TBC1D22A: variants seen among roughly 807,000 people sequenced by gnomAD.
TBC1D22A encodes putative GTPase activator.
A neutral mutation model predicts 60.2 loss-of-function variants in TBC1D22A; 38 were observed. The observed-to-expected ratio is 0.63, with a 90% CI of 0.49 to 0.83. The LOEUF (loss-of-function observed/expected upper bound fraction) is 0.83. TBC1D22A is among the 40% of genes least tolerant of loss of function. TBC1D22A has a pLI of 0.00. For missense variants in TBC1D22A, 628 were observed against 701.0 expected (o/e 0.90, Z 1.18); for synonymous variants, 302 against 281.7 (o/e 1.07, Z -0.72).
At chr22:47,050,022 T>G (rs2063157957) in intron 11 of TBC1D22A, among the ~76,000 whole-genome samples, 1 of 150,726 alleles carries the variant, frequency 6.6e-6, no homozygotes, top group South Asian at 2.1e-4. Flanking sequence ...TTTCCTTTTT[T>G]CAGAGAAGTC....
At chr22:46,906,419 C>T (rs1438291718) in intron 7 of TBC1D22A, among the ~76,000 whole-genome samples, 2 of 152,114 alleles carry the variant, frequency 1.3e-5, no homozygotes, top group African/African-American at 4.8e-5. Context: ...AGGTTAGCTG[C>T]CTGGGCGCCG....
chr22:46,904,148 TACCTACCTAC>T (rs1569199869), intron 7 of TBC1D22A, among the ~76,000 whole-genome samples: 181 of 122,486 alleles, frequency 1.5e-3, no homozygotes, highest in Admixed American at 6.4e-3. Flanking sequence ...TCTATCTACC[TACCTACCTAC>T]CTACCTACCT....
At chr22:47,072,624 G>T (rs2147517228) in intron 11 of TBC1D22A, among the ~76,000 whole-genome samples, 1 of 152,350 alleles carries the variant, frequency 6.6e-6, no homozygotes, top group East Asian at 1.9e-4. Flanking sequence ...GCCTGACCTG[G>T]CTCTACATCC....
At chr22:47,136,577 C>A (rs2066879863) in intron 12 of TBC1D22A, among the ~76,000 whole-genome samples, 1 of 73,220 alleles carries the variant, frequency 1.4e-5, no homozygotes, top group Non-Finnish European at 3.2e-5. Context: ...GGAGGTGAGG[C>A]TGTGGACCCA....
chr22:47,114,250 G>T lies in TBC1D22A; in HGVS notation c.1425+2647G>T, dbSNP rs999804221. Among the ~76,000 whole-genome samples the T allele has an allele frequency of 2.0e-5, 3 of 151,966 alleles. No homozygotes were observed. The South Asian group carries it at 6.2e-4, about 32-fold the overall frequency. On this transcript the variant is annotated intron_variant, in intron 12 of 12. Transcript: ENST00000337137. Reference sequence around the variant, plus strand: ...CAAAGCCACACGGCCAGGGTGTGGGGTGTGGGGTGTGGGGTGTGGGGTGCA... The same window carrying T: ...CAAAGCCACACGGCCAGGGTGTGGGTTGTGGGGTGTGGGGTGTGGGGTGCA...
At chr22:46,981,992 G>A (rs961067992) in intron 9 of TBC1D22A, among the ~76,000 whole-genome samples, 1 of 152,212 alleles carries the variant, frequency 6.6e-6, no homozygotes, top group African/African-American at 2.4e-5. Flanking sequence ...CAAGGTCTGG[G>A]TGGGGGATTA....
chr22:46,900,179 C>T (rs1001828623), intron 7 of TBC1D22A, among the ~76,000 whole-genome samples: 3 of 149,004 alleles, frequency 2.0e-5, no homozygotes, highest in Middle Eastern at 3.2e-3. Flanking sequence ...GATGGAGCCT[C>T]GCTCTGTTGC....
At chr22:47,130,740 A>C (rs1043677520) in intron 12 of TBC1D22A, among the ~76,000 whole-genome samples, 1 of 151,772 alleles carries the variant, frequency 6.6e-6, no homozygotes, top group Non-Finnish European at 1.5e-5. Context: ...CATCTCTAAG[A>C]TTTTTCTGTG....
At chr22:46,999,780 C>T (rs2075248406) in intron 10 of TBC1D22A, among the ~76,000 whole-genome samples, 1 of 152,038 alleles carries the variant, frequency 6.6e-6, no homozygotes, top group South Asian at 2.1e-4. Flanking sequence ...AATCCCAGCA[C>T]CTTGGGAGGC....
chr22:47,171,894 G>A (rs1001393758), intron 12 of TBC1D22A, among the ~76,000 whole-genome samples: 2 of 151,040 alleles, frequency 1.3e-5, no homozygotes, highest in Admixed American at 1.3e-4. Flanking sequence ...TTTGGGGGTG[G>A]GACTCAGTGC....
chr22:46,975,590 G>A (rs907969470), intron 9 of TBC1D22A, among the ~76,000 whole-genome samples: 1 of 152,150 alleles, frequency 6.6e-6, no homozygotes, highest in African/African-American at 2.4e-5. Context: ...ACAGAGATGG[G>A]GTTGTCACTT....
At chr22:47,127,540 G>T (rs536378959) in intron 12 of TBC1D22A, among the ~76,000 whole-genome samples, 2 of 151,932 alleles carry the variant, frequency 1.3e-5, no homozygotes, top group South Asian at 2.1e-4. Context: ...GATTTCTTTT[G>T]ACGTGGGCCT....
intron 11 of TBC1D22A, among the ~76,000 whole-genome samples, chr22:47,050,744 G>A (rs2063181305): frequency 6.6e-6 from 1 of 152,120 alleles, no homozygotes; most frequent in Non-Finnish European, 1.5e-5. Context: ...GTCTTGTGAG[G>A]GCAGAACCTT....
chr22:46,903,011 G>T (rs947735143), intron 7 of TBC1D22A, among the ~76,000 whole-genome samples: 10 of 152,384 alleles, frequency 6.6e-5, no homozygotes, highest in Middle Eastern at 3.4e-3. Context: ...GTCCACTCTG[G>T]AGGGTCATGC....
At chr22:46,939,955 G>C (rs538592077) in intron 8 of TBC1D22A, among the ~76,000 whole-genome samples, 4 of 152,312 alleles carry the variant, frequency 2.6e-5, no homozygotes, top group African/African-American at 9.6e-5. Flanking sequence ...GCATTCAAGG[G>C]ATATTGCCCA....
intron 12 of TBC1D22A, among the ~76,000 whole-genome samples, chr22:47,138,387 C>T (rs1468524077): frequency 6.6e-6 from 1 of 151,900 alleles, no homozygotes; most frequent in Admixed American, 6.5e-5. Context: ...ACACAGACCC[C>T]ACCCCAAGGT....
At chr22:46,902,733 A>AT (rs1332492781) in intron 7 of TBC1D22A, among the ~76,000 whole-genome samples, 1 of 151,766 alleles carries the variant, frequency 6.6e-6, no homozygotes, top group Non-Finnish European at 1.5e-5. Context: ...ACACACCTGC[A>AT]TTTTTGACAC....
rs150892017 is a variant in TBC1D22A at position 46,876,246 on chromosome 22, G to GT, written c.638-2406dup. On this transcript the variant is annotated intron_variant, in intron 4 of 12. Transcript: ENST00000337137. ...GTATGTGCCTACAGAAATAATCATT[G>GT]TATCTACAGATTGTTCCCTTTTCAC... Among the ~76,000 whole-genome samples the GT allele has an allele frequency of 8.3e-3, 1,262 of 152,260 alleles. 22 individuals carry two copies. Among genetic ancestry groups the GT allele is most frequent in the African/African-American group, 0.028 (1,181 of 41,528 alleles).
chr22:46,975,803 G>A (rs760626100), intron 9 of TBC1D22A, among the ~76,000 whole-genome samples: 8 of 152,188 alleles, frequency 5.3e-5, no homozygotes, highest in Non-Finnish European at 7.3e-5. Context: ...GAGGAAAGAC[G>A]TGTGGTTTTT....
Sources: allele counts gnomAD v4.1 joint callset (sites outside exome capture counted in the v4.1 genomes callset), GRCh38; gene constraint gnomAD v4.1.1; transcripts MANE v1.5; gene names NCBI Gene and HGNC (gene_info 2026-07-23, HGNC 2026-07-21).